The following CBY2 variants were observed in gnomAD, a reference collection of about 807,000 sequenced individuals.
CBY2 encodes chibby family member 2, also known as protein chibby homolog 2.
CBY2 carries 23 observed loss-of-function variants against 25.3 expected under a neutral mutation model. The observed-to-expected ratio is 0.91, with a 90% CI of 0.65 to 1.29. CBY2 has a LOEUF of 1.29. Among genes scored for constraint, CBY2 ranks in the 50% most tolerant of loss-of-function variants. The pLI is 0.00. For missense variants in CBY2, 642 were observed against 590.7 expected (o/e 1.09, Z -0.90); for synonymous variants, 279 against 260.2 (o/e 1.07, Z -0.70).
rs148736667 is a variant in CBY2 at position 45,702,858 on chromosome 13, A to G, written c.156+3A>G. 16 of 1,606,404 alleles carry G rather than the reference A, an allele frequency of 1.0e-5. No individual in the cohort carries two copies. The highest frequency in any genetic ancestry group is 1.7e-4 in the Middle Eastern group (1 of 6,046). ...CAATCAGTGTGGTTCTACCTCAGGT[A>G]GGGATAATCACAGAAGGATGTAACC... is the stretch of plus-strand genomic sequence containing the variant. On this transcript the variant is annotated splice_donor_region_variant and intron_variant, in intron 2 of 2. Coordinates refer to ENST00000310521, the MANE Select transcript of CBY2 (RefSeq NM_152719.3).
In CBY2 at chr13:45,702,851, C is replaced by G. The variant is rs147117976; in HGVS notation, c.152C>G (p.Pro51Arg). 14 of 1,609,970 alleles carry G rather than the reference C, an allele frequency of 8.7e-6. No homozygotes were observed. The highest frequency in any genetic ancestry group is 1.3e-5 in the African/African-American group (1 of 74,820). The change falls in exon 2 of 3, where the codon CCT (proline) becomes CGT (arginine). Residue 51 changes from proline (P) to arginine (R), a missense_variant. By Grantham distance (103) the Pro-to-Arg change is moderately radical. Coordinates refer to ENST00000310521, the MANE Select transcript of CBY2 (RefSeq NM_152719.3). Reference sequence around the variant, plus strand: ...GAAATTCCAATCAGTGTGGTTCTACCTCAGGTAGGGATAATCACAGAAGGA... The same window carrying G: ...GAAATTCCAATCAGTGTGGTTCTACGTCAGGTAGGGATAATCACAGAAGGA... ...SLEIPISVVL[P>R]QRGTAEPFPR...
At position 45,713,744 on chromosome 13, in the gene CBY2, G is replaced by A. The variant is rs777668534; in HGVS notation, c.719G>A (p.Arg240His). Reference protein sequence around the residue: ...KKDHVALQVPRGKEDSTLQLL... With the variant: ...KKDHVALQVPHGKEDSTLQLL... ...GACCACGTCGCCCTGCAGGTGCCCC[G>A]TGGCAAGGAGGACAGCACCCTGCAG... Residue 240 changes from arginine (R) to histidine (H), a missense_variant, in exon 3 of 3, where the codon CGT becomes CAT. Transcript: ENST00000310521. The surrounding 1 kb of genome is among the most constrained non-coding windows in gnomAD (Gnocchi z 5.0). 34 of 1,610,526 alleles carry A rather than the reference G, an allele frequency of 2.1e-5. No homozygotes were observed. The highest frequency in any genetic ancestry group is 3.3e-5 in the Admixed American group (2 of 59,918).
In CBY2 at chr13:45,713,814, G is replaced by C; in HGVS notation, c.789G>C (p.Gln263His). ...ENRALQQLLE[Q>H]KQAYWAQAED... is the part of the protein sequence containing the mutation. ...GCGCGCTGCAGCAGCTGCTGGAGCAGAAACAGGCCTACTGGGCGCAGGCAG... is the reference window on the plus strand; with the variant it reads ...GCGCGCTGCAGCAGCTGCTGGAGCACAAACAGGCCTACTGGGCGCAGGCAG... The change falls in exon 3 of 3, where the codon CAG becomes CAC. Residue 263 changes from glutamine to histidine, a missense_variant. By Grantham distance (24) the Gln-to-His change is conservative. Coordinates refer to ENST00000310521, the MANE Select transcript of CBY2 (RefSeq NM_152719.3). The surrounding 1 kb of genome is among the most constrained non-coding windows in gnomAD (Gnocchi z 5.0). 6.4e-7 allele frequency: 1 copy of C among 1,554,580 alleles called. No homozygotes were observed. The highest frequency in any genetic ancestry group is 1.2e-5 in the South Asian group (1 of 85,372).
intron 2 of CBY2, among the ~76,000 whole-genome samples, chr13:45,707,717 T>C (rs1479062033): frequency 1.3e-5 from 2 of 152,212 alleles, no homozygotes; most frequent in Middle Eastern, 3.2e-3. Context: ...TATTAGCACA[T>C]GCAAAATAAA....
At position 45,702,765 on chromosome 13, in the gene CBY2, G is replaced by A. The variant is rs78790580; in HGVS notation, c.76-10G>A. On this transcript the variant is annotated splice_polypyrimidine_tract_variant and intron_variant, in intron 1 of 2. Transcript: ENST00000310521. Reference sequence around the variant, plus strand: ...GAAGCAGTAATCTTCTTCTTTTCTCGTTTCCACAGCACTCAAGGCCAAATT... The same window carrying A: ...GAAGCAGTAATCTTCTTCTTTTCTCATTTCCACAGCACTCAAGGCCAAATT... 3.7e-3 allele frequency: 6,024 copies of A among 1,611,362 alleles called. 181 individuals are homozygous for A. The African/African-American group carries it at 0.066, about 18-fold the overall frequency.
chr13:45,705,405 G>T (rs1445488080), intron 2 of CBY2, among the ~76,000 whole-genome samples: 1 of 152,176 alleles, frequency 6.6e-6, no homozygotes, highest in African/African-American at 2.4e-5. Context: ...ACCCTCCGGT[G>T]CCTCCTTCAT....
intron 2 of CBY2, chr13:45,703,537 C>T: frequency 1.3e-6 from 2 of 1,550,932 alleles, no homozygotes; most frequent in Non-Finnish European, 1.7e-6. Flanking sequence ...ATTGGAAGAC[C>T]AGGGCCATGC....
chr13:45,702,740 G>A (rs377510688), intron 1 of CBY2, 35 bp from the exon 2 acceptor site: 33 of 1,551,136 alleles, frequency 2.1e-5, no homozygotes, highest in Non-Finnish European at 2.8e-5. Flanking sequence ...GATGAGCTGG[G>A]AAGCAGTAAT....
At chr13:45,703,374 A>G (rs1327299897) in intron 2 of CBY2, 2 of 1,442,782 alleles carry the variant, frequency 1.4e-6, no homozygotes, top group East Asian at 2.5e-5. Context: ...TCAGTCAATG[A>G]ATTGGTGAAG....
At chr13:45,703,595 A>G in intron 2 of CBY2, 1 of 1,549,282 alleles carries the variant, frequency 6.5e-7, no homozygotes, top group Non-Finnish European at 8.7e-7. Flanking sequence ...TGCAGAGGTA[A>G]CTATCTGAGA....
Position 45,702,787 on chromosome 13 carries a change from A to G in CBY2, c.88A>G (p.Asn30Asp). The G allele has an allele frequency of 6.2e-7, 1 of 1,614,088 alleles. No homozygotes were observed. Among genetic ancestry groups the G allele is most frequent in the Non-Finnish European group, 8.5e-7 (1 of 1,179,958 alleles). The change falls in exon 2 of 3, where the codon AAT (asparagine) becomes GAT (aspartate). Residue 30 changes from asparagine (N) to aspartate (D), a missense_variant. Physicochemically the swap from Asn to Asp is conservative, Grantham distance 23. Transcript: ENST00000310521. ...CTCGTTTCCACAGCACTCAAGGCCA[A>G]ATTATACAAGAAAAAGAGATACCAG... ...TWQLTLHSRP[N>D]YTRKRDTRSE...
intron 1 of CBY2, 33 bp downstream of exon 1, chr13:45,702,498 T>A: frequency 6.3e-7 from 1 of 1,579,356 alleles, no homozygotes; most frequent in Non-Finnish European, 8.7e-7. Context: ...GAAATAATCA[T>A]CTTAGACAGG....
chr13:45,711,554 C>T (rs964679044), intron 2 of CBY2, among the ~76,000 whole-genome samples: 24 of 152,098 alleles, frequency 1.6e-4, no homozygotes, highest in Non-Finnish European at 8.8e-5. Flanking sequence ...CTCACTTAAG[C>T]AAATTGCCTA....
intron 2 of CBY2, chr13:45,703,340 G>A: frequency 2.1e-6 from 3 of 1,417,408 alleles, no homozygotes; most frequent in Non-Finnish European, 9.2e-7. Flanking sequence ...GACAGATGTA[G>A]GGGCCATGGG....
intron 2 of CBY2, among the ~76,000 whole-genome samples, chr13:45,709,376 T>A (rs1454180606): frequency 6.6e-6 from 1 of 152,226 alleles, no homozygotes; most frequent in Non-Finnish European, 1.5e-5. Flanking sequence ...TTAAAAGCCA[T>A]CATGGCCAAA....
intron 2 of CBY2, chr13:45,703,286 T>A: frequency 7.5e-7 from 1 of 1,338,588 alleles, no homozygotes; most frequent in South Asian, 1.9e-5. Context: ...GGGTACAGAG[T>A]TATTTGGAGC....
rs554842028 is a variant in CBY2 at position 45,707,538 on chromosome 13, A to G, written c.156+4683A>G. Among the ~76,000 whole-genome samples the G allele has an allele frequency of 3.0e-4, 45 of 152,286 alleles. 1 individual carries two copies. The highest frequency in any genetic ancestry group is 3.4e-3 in the Middle Eastern group (1 of 294). On this transcript the variant is annotated intron_variant, in intron 2 of 2. Transcript: ENST00000310521. ...TCAGTGTATTTTGGTTGATTCAGTTATTGCCAAGGACTCATTAAGCCTCCA... is the reference window on the plus strand; with the variant it reads ...TCAGTGTATTTTGGTTGATTCAGTTGTTGCCAAGGACTCATTAAGCCTCCA...
At chr13:45,703,465 T>C (rs1950222533) in intron 2 of CBY2, 2 of 1,547,238 alleles carry the variant, frequency 1.3e-6, no homozygotes, top group East Asian at 2.4e-5. Context: ...GATTGAATTG[T>C]TTCTACTGCT....
intron 2 of CBY2, among the ~76,000 whole-genome samples, chr13:45,712,537 G>A (rs1051376070): frequency 2.0e-5 from 3 of 152,158 alleles, no homozygotes; most frequent in South Asian, 2.1e-4. Context: ...AGACATGCAC[G>A]GAGAGGTGAA....
Sources: allele counts gnomAD v4.1 joint callset (sites outside exome capture counted in the v4.1 genomes callset), GRCh38; gene constraint gnomAD v4.1.1; non-coding constraint Gnocchi (gnomAD v3.1); transcripts MANE v1.5; gene names NCBI Gene and HGNC (gene_info 2026-07-23, HGNC 2026-07-21).